Variants in ZNF609 observed in about 807,000 individuals in gnomAD.
ZNF609 encodes zinc finger protein 609.
A neutral mutation model predicts 109.5 loss-of-function variants in ZNF609; 11 were observed. That is an observed-to-expected ratio of 0.10 (90% CI 0.06 to 0.17). The LOEUF is 0.17. ZNF609 is among the 10% of genes least tolerant of loss of function. The probability of loss-of-function intolerance (pLI) is 1.00; values close to 1 mark genes in which losing one functional copy is unlikely to be tolerated. For missense variants in ZNF609, 1,559 were observed against 1,772.4 expected (o/e 0.88, Z 2.16); for synonymous variants, 646 against 662.0 (o/e 0.98, Z 0.37).
intron 3 of ZNF609, among the ~76,000 whole-genome samples, chr15:64,660,968 T>G (rs1181260993): frequency 1.3e-5 from 2 of 152,128 alleles, no homozygotes; most frequent in Non-Finnish European, 2.9e-5. Flanking sequence ...TTTGTTTGTT[T>G]GTTTGTTGAG....
At chr15:64,486,339 C>T (rs1893332715) in intron 1 of ZNF609, among the ~76,000 whole-genome samples, 1 of 152,086 alleles carries the variant, frequency 6.6e-6, no homozygotes, top group East Asian at 1.9e-4. Context: ...GCCTACCCAA[C>T]ATAGTGAAAC....
intron 2 of ZNF609, among the ~76,000 whole-genome samples, chr15:64,586,749 G>C (rs1486944251): frequency 6.6e-6 from 1 of 152,114 alleles, no homozygotes; most frequent in South Asian, 2.1e-4. Context: ...TCGGTAGAAT[G>C]ATGATTATTA....
intron 2 of ZNF609, among the ~76,000 whole-genome samples, chr15:64,577,558 CATATAAATATATACATATATAT>C (rs1567019543): frequency 2.1e-4 from 3 of 14,326 alleles, no homozygotes; most frequent in African/African-American, 4.4e-4. Context: ...TATATATACA[CATATAAATATATACATATATAT>C]GTGTATATAT....
At chr15:64,573,766 C>T (rs1894902601) in intron 2 of ZNF609, among the ~76,000 whole-genome samples, 1 of 152,050 alleles carries the variant, frequency 6.6e-6, no homozygotes, top group Non-Finnish European at 1.5e-5. Context: ...GTGGGTTTAC[C>T]ATGTTCTTTC....
At chr15:64,612,308 C>T (rs1029147618) in intron 2 of ZNF609, among the ~76,000 whole-genome samples, 3 of 151,532 alleles carry the variant, frequency 2.0e-5, no homozygotes, top group South Asian at 2.1e-4. Context: ...CCACCACGCC[C>T]GGTTAATTTT....
intron 2 of ZNF609, among the ~76,000 whole-genome samples, chr15:64,510,515 T>TA (rs1230966972): frequency 6.6e-6 from 1 of 152,150 alleles, no homozygotes; most frequent in African/African-American, 2.4e-5. Context: ...ACCTGTGTCT[T>TA]ACTGCTCACA....
intron 1 of ZNF609, among the ~76,000 whole-genome samples, chr15:64,488,358 A>G (rs1165597101): frequency 6.6e-6 from 1 of 152,212 alleles, no homozygotes; most frequent in Non-Finnish European, 1.5e-5. Context: ...TCATTCACTC[A>G]TTTGTTGACC....
In ZNF609 at chr15:64,609,064, T is replaced by TTTTC. The variant is rs3057833; in HGVS notation, c.748-13699_748-13696dup. Among the ~76,000 whole-genome samples the TTTTC allele has an allele frequency of 9.0e-3, 1,076 of 119,116 alleles. 20 individuals are homozygous for TTTTC. The highest frequency in any genetic ancestry group is 0.034 in the South Asian group (96 of 2,850). The allele number at this position is 119,116 out of a possible 152,430, so 78.1% of individuals were successfully genotyped here. A position where few individuals can be genotyped will look rare whatever the true frequency, so the allele number is the denominator to read the frequency against. ...GTTACTTGCATGTTTTAGTTTTAAT[T>TTTTC]TTTCTTTCTTTCTTTCTTTCTTTCT... is the stretch of plus-strand genomic sequence containing the variant. On this transcript the variant is annotated intron_variant, in intron 2 of 9. Transcript: ENST00000326648.
chr15:64,528,158 C>A (rs1023374907), intron 2 of ZNF609, among the ~76,000 whole-genome samples: 1 of 150,948 alleles, frequency 6.6e-6, no homozygotes, highest in South Asian at 2.1e-4. Context: ...AGTGCAGTGA[C>A]GCGATCTCGG....
intron 2 of ZNF609, among the ~76,000 whole-genome samples, chr15:64,611,996 A>G (rs1257171521): frequency 1.3e-5 from 2 of 151,728 alleles, no homozygotes; most frequent in African/African-American, 4.8e-5. Flanking sequence ...CAGCCTCCCA[A>G]AGTGCTGGGA....
In ZNF609 at chr15:64,620,674, A is replaced by G. The variant is rs118080573; in HGVS notation, c.748-2153A>G. Among the ~76,000 whole-genome samples the G allele has an allele frequency of 6.4e-3, 970 of 152,298 alleles. 3 individuals are homozygous for G. The highest frequency in any genetic ancestry group is 0.011 in the Non-Finnish European group (768 of 68,018). ...GGGTGTGTGTGTGAGACAAGCAGAC[A>G]AGGATGTTTTGGCAGCTCTTCAGGG... On this transcript the variant is annotated intron_variant, in intron 2 of 9. Transcript: ENST00000326648.
chr15:64,596,576 T>C (rs1232192899), intron 2 of ZNF609, among the ~76,000 whole-genome samples: 1 of 152,202 alleles, frequency 6.6e-6, no homozygotes, highest in Non-Finnish European at 1.5e-5. Context: ...AATCCAGCCT[T>C]AGAGATGCCA....
chr15:64,589,328 A>G (rs1228386480), intron 2 of ZNF609, among the ~76,000 whole-genome samples: 1 of 152,186 alleles, frequency 6.6e-6, no homozygotes, highest in Non-Finnish European at 1.5e-5. Context: ...CAGTGGATGA[A>G]GCCCTTTTTG....
chr15:64,506,740 G>C (rs1007020384), intron 2 of ZNF609, among the ~76,000 whole-genome samples: 1 of 150,396 alleles, frequency 6.6e-6, no homozygotes, highest in African/African-American at 2.4e-5. Context: ...AAAAAAGTTT[G>C]TCTTTAGATT....
intron 1 of ZNF609, among the ~76,000 whole-genome samples, chr15:64,492,318 A>G (rs1247399452): frequency 6.6e-6 from 1 of 152,094 alleles, no homozygotes; most frequent in Non-Finnish European, 1.5e-5. Flanking sequence ...CACTGAGTTC[A>G]TGGAAGAAGA....
At chr15:64,633,337 A>C (rs1236357573) in intron 3 of ZNF609, among the ~76,000 whole-genome samples, 5 of 152,004 alleles carry the variant, frequency 3.3e-5, no homozygotes, top group African/African-American at 9.7e-5. Context: ...TGTGGTGACA[A>C]GGTATTGCCA....
At chr15:64,646,939 CAAAAAAAAAAAA>C (rs10628744) in intron 3 of ZNF609, among the ~76,000 whole-genome samples, 1 of 59,804 alleles carries the variant, frequency 1.7e-5, no homozygotes, top group Admixed American at 2.0e-4. Flanking sequence ...GACTCTGTCT[CAAAAAAAAAAAA>C]AAAAAAAAAA....
intron 1 of ZNF609, among the ~76,000 whole-genome samples, chr15:64,483,385 A>T (rs610013): frequency 2.0e-5 from 3 of 151,968 alleles, no homozygotes; most frequent in Admixed American, 1.3e-4. Context: ...TGAGCCACCA[A>T]GCCTGGCCTC....
At chr15:64,622,102 A>G (rs747651282) in intron 2 of ZNF609, among the ~76,000 whole-genome samples, 3 of 152,168 alleles carry the variant, frequency 2.0e-5, no homozygotes, top group Admixed American at 6.5e-5. Context: ...CTGGGTGGCA[A>G]CAGCACCTCC....
Sources: allele counts gnomAD v4.1 joint callset (sites outside exome capture counted in the v4.1 genomes callset), GRCh38; gene constraint gnomAD v4.1.1; transcripts MANE v1.5; gene names NCBI Gene and HGNC (gene_info 2026-07-23, HGNC 2026-07-21).